ROBO2: variants seen among roughly 807,000 people sequenced by gnomAD.
ROBO2 encodes roundabout homolog 2.
A neutral mutation model predicts 160.8 loss-of-function variants in ROBO2; 53 were observed. The ratio of observed to expected loss-of-function variants is 0.33; its 90% confidence interval spans 0.26 to 0.41. ROBO2 has a LOEUF of 0.41. Ranked by LOEUF, ROBO2 falls within the 10% of genes least tolerant of loss-of-function variation. ROBO2 has a pLI of 1.00. For missense variants in ROBO2, 1,577 were observed against 1,722.4 expected, an observed-to-expected ratio of 0.92 and a Z score of 1.49; for synonymous variants, 664 against 611.7, an observed-to-expected ratio of 1.09 and a Z score of -1.26.
intron 2 of ROBO2, among the ~76,000 whole-genome samples, chr3:76,194,353 A>ATATACAT (rs1553672736): frequency 1.1e-5 from 1 of 94,532 alleles, no homozygotes; most frequent in Non-Finnish European, 2.1e-5. Context: ...ATGGTGTGTA[A>ATATACAT]ATATATATAT....
chr3:77,004,108 G>A (rs2061464272), intron 2 of ROBO2, among the ~76,000 whole-genome samples: 1 of 152,102 alleles, frequency 6.6e-6, no homozygotes, highest in African/African-American at 2.4e-5. Context: ...CTGAATCAAA[G>A]ATAATTAACT....
At chr3:76,429,529 T>C (rs2076353383) in intron 2 of ROBO2, among the ~76,000 whole-genome samples, 1 of 152,190 alleles carries the variant, frequency 6.6e-6, no homozygotes. Flanking sequence ...ATGGAACAGT[T>C]TGGCATACAT....
At chr3:76,939,796 A>G (rs901847333) in intron 2 of ROBO2, among the ~76,000 whole-genome samples, 5 of 151,942 alleles carry the variant, frequency 3.3e-5, no homozygotes, top group Non-Finnish European at 7.4e-5. Flanking sequence ...AAAATAAGTA[A>G]ATAAATCAAT....
chr3:77,220,960 A>G (rs892851276), intron 2 of ROBO2, among the ~76,000 whole-genome samples: 36 of 152,356 alleles, frequency 2.4e-4, no homozygotes, highest in African/African-American at 7.9e-4. Context: ...ATTGGAAAAT[A>G]TAATCTGAAT....
At chr3:77,501,674 C>T (rs1416947795) in intron 5 of ROBO2, among the ~76,000 whole-genome samples, 1 of 151,000 alleles carries the variant, frequency 6.6e-6, no homozygotes, top group Non-Finnish European at 1.5e-5. Flanking sequence ...TCTCTCGAAA[C>T]AATTAGAGAA....
intron 2 of ROBO2, among the ~76,000 whole-genome samples, chr3:75,969,198 A>G (rs1040093400): frequency 2.5e-4 from 37 of 149,544 alleles, no homozygotes; most frequent in Middle Eastern, 3.5e-3. Context: ...ATAATATATT[A>G]TAACTATACA....
At chr3:75,932,007 A>G (rs1406195454) in intron 1 of ROBO2, among the ~76,000 whole-genome samples, 25 of 152,122 alleles carry the variant, frequency 1.6e-4, no homozygotes, top group Non-Finnish European at 3.5e-4. Flanking sequence ...AGTTTCCGAG[A>G]AACAAAGGTT....
intron 2 of ROBO2, among the ~76,000 whole-genome samples, chr3:77,171,196 CAT>C (rs1319603699): frequency 3.3e-5 from 5 of 152,122 alleles, no homozygotes; most frequent in Non-Finnish European, 5.9e-5. Flanking sequence ...CCTGCACTGG[CAT>C]ATACACTAGA....
In ROBO2 at chr3:77,644,680, C is replaced by G. The variant is rs1041753682; in HGVS notation, c.3935-24C>G. 2.5e-6 allele frequency: 4 copies of G among 1,611,798 alleles called. No individual in the cohort carries two copies. In the East Asian group the frequency reaches 8.9e-5, roughly 36 times the overall value. On this transcript the variant is annotated intron_variant, in intron 24 of 25. Coordinates refer to ENST00000461745, the Ensembl canonical transcript of ROBO2. ...CCTCCATGTTTCTGTTCAATTTAGC[C>G]TTTGGGTTTTTTTTCTTTTTCAGAG...
At chr3:76,363,220 C>A (rs2075625353) in intron 2 of ROBO2, among the ~76,000 whole-genome samples, 1 of 151,934 alleles carries the variant, frequency 6.6e-6, no homozygotes, top group Non-Finnish European at 1.5e-5. Context: ...CAGGCACACA[C>A]ACACACATGC....
At chr3:77,566,426 T>C (rs1313269255) in intron 12 of ROBO2, among the ~76,000 whole-genome samples, 1 of 152,120 alleles carries the variant, frequency 6.6e-6, no homozygotes, top group Non-Finnish European at 1.5e-5. Context: ...TGATTGCTTT[T>C]TACTGTGTTT....
At chr3:76,551,575 T>G (rs2083425710) in intron 2 of ROBO2, among the ~76,000 whole-genome samples, 1 of 152,104 alleles carries the variant, frequency 6.6e-6, no homozygotes, top group Non-Finnish European at 1.5e-5. Context: ...AAGGATAGAA[T>G]GAGGAGCTAT....
At chr3:77,618,313 C>T (rs1211460336) in intron 22 of ROBO2, 2 of 156,450 alleles carry the variant, frequency 1.3e-5, no homozygotes, top group Admixed American at 6.2e-5. Context: ...AAAGACAATA[C>T]TAGTATCAGT....
chr3:76,878,157 T>TA (rs1466489069), intron 2 of ROBO2, among the ~76,000 whole-genome samples: 1 of 151,110 alleles, frequency 6.6e-6, no homozygotes, highest in Non-Finnish European at 1.5e-5. Flanking sequence ...ACATTTAAGT[T>TA]AAAAAAAGTT....
intron 2 of ROBO2, among the ~76,000 whole-genome samples, chr3:76,874,792 C>A (rs1043403771): frequency 6.6e-5 from 10 of 152,092 alleles, no homozygotes; most frequent in African/African-American, 2.2e-4. Context: ...AAAGAGGGTG[C>A]CAGACCCGGA....
intron 2 of ROBO2, among the ~76,000 whole-genome samples, chr3:76,513,029 A>G (rs2081178905): frequency 6.6e-6 from 1 of 152,176 alleles, no homozygotes; most frequent in Admixed American, 6.5e-5. Flanking sequence ...ATTTAGAAAT[A>G]AGCACTCTAA....
At chr3:77,621,638 C>G (rs1346192880) in intron 22 of ROBO2, among the ~76,000 whole-genome samples, 2 of 152,094 alleles carry the variant, frequency 1.3e-5, no homozygotes, top group Admixed American at 6.5e-5. Context: ...TAAATAGCTA[C>G]TAGAGCACAA....
intron 2 of ROBO2, among the ~76,000 whole-genome samples, chr3:76,688,516 A>G (rs1051292781): frequency 4.0e-5 from 6 of 151,638 alleles, no homozygotes; most frequent in African/African-American, 1.5e-4. Context: ...GTAACTAAAC[A>G]TTAAAGTATG....
chr3:76,999,921 T>G (rs893963187), intron 2 of ROBO2, among the ~76,000 whole-genome samples: 3 of 152,182 alleles, frequency 2.0e-5, no homozygotes, highest in African/African-American at 4.8e-5. Context: ...AAATTTTCAT[T>G]GCTTTTGTAT....
Sources: allele counts gnomAD v4.1 joint callset (sites outside exome capture counted in the v4.1 genomes callset), GRCh38; gene constraint gnomAD v4.1.1; transcripts MANE v1.5; gene names NCBI Gene and HGNC (gene_info 2026-07-23, HGNC 2026-07-21).